Variants in MCC observed in about 807,000 individuals in gnomAD.
MCC encodes MCC regulator of Wnt signaling pathway.
Under a neutral mutation model 116.2 loss-of-function variants are expected in MCC, and 90 were observed. That is an observed-to-expected ratio of 0.77 (90% CI 0.65 to 0.92). The LOEUF is 0.92. MCC is among the 40% of genes least tolerant of loss of function. The pLI is 0.00. For synonymous variants in MCC, 578 were observed against 510.5 expected, an observed-to-expected ratio of 1.13 and a Z score of -1.78; for missense variants, 1,516 against 1,312.2, an observed-to-expected ratio of 1.16 and a Z score of -2.40.
chr5:113,028,172 G>T (rs1230957758), intron 18 of MCC, among the ~76,000 whole-genome samples: 3 of 152,170 alleles, frequency 2.0e-5, no homozygotes, highest in Non-Finnish European at 4.4e-5. Flanking sequence ...CATTCAGGAG[G>T]TCTGTGAGGT....
At chr5:113,207,187 C>T (rs1443690) in intron 3 of MCC, among the ~76,000 whole-genome samples, 146,090 of 152,268 alleles carry the variant, frequency 0.96, 70,380 homozygotes, top group East Asian at 1. Flanking sequence ...CAGACAGATT[C>T]GTATTTGAGA....
intron 3 of MCC, among the ~76,000 whole-genome samples, chr5:113,195,471 A>G (rs78144016): frequency 0.02 from 3,028 of 152,274 alleles, 104 homozygotes; most frequent in African/African-American, 0.069. Flanking sequence ...CAGGCAGGTT[A>G]AACTTTCTCA....
chr5:113,202,687 G>A (rs1762735192), intron 3 of MCC, among the ~76,000 whole-genome samples: 1 of 150,714 alleles, frequency 6.6e-6, no homozygotes, highest in Non-Finnish European at 1.5e-5. Flanking sequence ...AGATGAGACA[G>A]TTTATCAGAC....
At chr5:113,063,658 CTT>C (rs1444929085) in intron 14 of MCC, among the ~76,000 whole-genome samples, 1 of 152,164 alleles carries the variant, frequency 6.6e-6, no homozygotes, top group Non-Finnish European at 1.5e-5. Flanking sequence ...GAAATGAAGA[CTT>C]ATAAAGAAAT....
chr5:113,419,542 C>T (rs1258614366), intron 1 of MCC, among the ~76,000 whole-genome samples: 1 of 151,836 alleles, frequency 6.6e-6, no homozygotes, highest in Non-Finnish European at 1.5e-5. Flanking sequence ...GACTGCATAA[C>T]ACAGTAAATA....
chr5:113,357,549 C>T (rs995922301), intron 2 of MCC, among the ~76,000 whole-genome samples: 8 of 152,192 alleles, frequency 5.3e-5, no homozygotes, highest in African/African-American at 1.9e-4. Context: ...CAGCAAGTAC[C>T]AGGGAAAGGC....
intron 5 of MCC, among the ~76,000 whole-genome samples, chr5:113,136,230 T>G (rs1437517257): frequency 6.6e-6 from 1 of 152,236 alleles, no homozygotes; most frequent in African/African-American, 2.4e-5. Flanking sequence ...CTTATTTTCT[T>G]TAGCTAGCAT....
chr5:113,461,011 C>T lies in MCC; in HGVS notation c.170+27234G>A, dbSNP rs140362555. ...CAAGCACTCTTAAAAACACATTTTT[C>T]GACTCAGGAGGCTGAAGCAGGAAGA... On this transcript the variant is annotated intron_variant, in intron 1 of 18. Transcript: ENST00000408903. Among the ~76,000 whole-genome samples the T allele has an allele frequency of 2.0e-3, 310 of 152,294 alleles. 2 individuals carry two copies. Among genetic ancestry groups the T allele is most frequent in the African/African-American group, 7.1e-3 (294 of 41,558 alleles).
At chr5:113,086,138 A>C (rs1354423828) in intron 8 of MCC, among the ~76,000 whole-genome samples, 1 of 152,216 alleles carries the variant, frequency 6.6e-6, no homozygotes, top group Non-Finnish European at 1.5e-5. Context: ...TTTCAAGACA[A>C]GTGCACTTGA....
At chr5:113,188,685 GT>G (rs995359330) in intron 3 of MCC, among the ~76,000 whole-genome samples, 26 of 152,272 alleles carry the variant, frequency 1.7e-4, no homozygotes, top group African/African-American at 5.8e-4. Context: ...ACATCACCCT[GT>G]TTAATCATGA....
intron 3 of MCC, among the ~76,000 whole-genome samples, chr5:113,183,642 TGA>T (rs1371432544): frequency 2.6e-5 from 4 of 152,138 alleles, no homozygotes; most frequent in Non-Finnish European, 5.9e-5. Context: ...CACAGCAGGA[TGA>T]GAGTCTCATA....
At chr5:113,099,952 T>C (rs955667548) in intron 8 of MCC, among the ~76,000 whole-genome samples, 4 of 152,186 alleles carry the variant, frequency 2.6e-5, no homozygotes, top group Non-Finnish European at 5.9e-5. Context: ...TCAGTGATAA[T>C]CATCGGGGAG....
At chr5:113,214,668 C>T (rs982671149) in intron 3 of MCC, among the ~76,000 whole-genome samples, 1 of 152,182 alleles carries the variant, frequency 6.6e-6, no homozygotes, top group Non-Finnish European at 1.5e-5. Context: ...TTCAAGTCAT[C>T]AGCATCCTCC....
intron 3 of MCC, among the ~76,000 whole-genome samples, chr5:113,262,078 C>CT (rs879571232): frequency 6.6e-6 from 1 of 151,726 alleles, no homozygotes; most frequent in Admixed American, 6.6e-5. Context: ...GTCCTAAGAG[C>CT]TTTTTTTTAA....
intron 1 of MCC, among the ~76,000 whole-genome samples, chr5:113,487,982 A>T (rs1772588866): frequency 6.6e-6 from 1 of 152,100 alleles, no homozygotes; most frequent in South Asian, 2.1e-4. Flanking sequence ...AAGAGTGCGC[A>T]TCCTAAGGAG....
intron 3 of MCC, among the ~76,000 whole-genome samples, chr5:113,280,428 G>A (rs1314849338): frequency 6.6e-6 from 1 of 152,136 alleles, no homozygotes; most frequent in African/African-American, 2.4e-5. Context: ...GTTCTGATAC[G>A]AAAGCATTTC....
At chr5:113,033,887 C>G (rs1036836633) in intron 17 of MCC, among the ~76,000 whole-genome samples, 1 of 152,046 alleles carries the variant, frequency 6.6e-6, no homozygotes, top group African/African-American at 2.4e-5. Flanking sequence ...ACCGCAGAGC[C>G]AGGGTGGGAC....
rs183404249 is a variant in MCC, at chr5:113,476,563, A to G, written c.170+11682T>C. Among the ~76,000 whole-genome samples, 19 of 152,358 alleles carry G rather than the reference A, an allele frequency of 1.2e-4. 1 individual carries two copies. In the East Asian group the frequency reaches 1.9e-3, roughly 15 times the overall value. ...ACTCAAGTGGATCATAGACTTAAAT[A>G]TAAGAGCTAAAACTATAAAACTCTT... On this transcript the variant is annotated intron_variant, in intron 1 of 18. Coordinates refer to ENST00000408903, the MANE Select transcript of MCC (RefSeq NM_001085377.2).
At chr5:113,119,648 C>G (rs1056513982) in intron 6 of MCC, among the ~76,000 whole-genome samples, 1 of 152,126 alleles carries the variant, frequency 6.6e-6, no homozygotes, top group African/African-American at 2.4e-5. Flanking sequence ...ACAGCAGATT[C>G]TGTCTTTCAT....
Sources: allele counts gnomAD v4.1 joint callset (sites outside exome capture counted in the v4.1 genomes callset), GRCh38; gene constraint gnomAD v4.1.1; transcripts MANE v1.5; gene names NCBI Gene and HGNC (gene_info 2026-07-23, HGNC 2026-07-21).